Variants in SLC30A9 observed in about 807,000 individuals in gnomAD.
The protein encoded by SLC30A9 is proton-coupled zinc antiporter SLC30A9, mitochondrial.
A neutral mutation model predicts 87.5 loss-of-function variants in SLC30A9; 58 were observed. That is an observed-to-expected ratio of 0.66 (90% CI 0.54 to 0.82). The LOEUF is 0.82. Ranked by LOEUF, SLC30A9 falls within the 40% of genes least tolerant of loss-of-function variation. The pLI is 0.00. For missense variants in SLC30A9, 557 were observed against 679.1 expected (o/e 0.82, Z 2.00); for synonymous variants, 234 against 233.0 (o/e 1.00, Z -0.04).
Position 42,067,218 on chromosome 4 carries a change from A to T in SLC30A9, c.1252+26A>T, listed in dbSNP as rs1265402617. ...GTAAATATTCCTTAAATTACAGGTG[A>T]TTTATTTGTCCTACTTAAATAATTC... is the stretch of plus-strand genomic sequence containing the variant. On this transcript the variant is annotated intron_variant, in intron 14 of 17. Coordinates refer to ENST00000264451, the MANE Select transcript of SLC30A9 (RefSeq NM_006345.4). 4 of 1,330,984 alleles carry T rather than the reference A, an allele frequency of 3.0e-6. No homozygotes were observed. The East Asian group carries it at 6.9e-5, about 23-fold the overall frequency. The allele number at this position is 1,330,984 out of a possible 1,614,324, so 82.4% of individuals were successfully genotyped here. A position where few individuals can be genotyped will look rare whatever the true frequency, so the allele number is the denominator to read the frequency against.
chr4:42,047,672 G>A (rs1030684464), intron 8 of SLC30A9, among the ~76,000 whole-genome samples: 3 of 152,166 alleles, frequency 2.0e-5, no homozygotes, highest in Non-Finnish European at 2.9e-5. Context: ...ACAGTGTGGC[G>A]ATTCCTCCAG....
At chr4:41,991,374 G>A (rs1161720915) in intron 1 of SLC30A9, among the ~76,000 whole-genome samples, 2 of 152,164 alleles carry the variant, frequency 1.3e-5, no homozygotes, top group African/African-American at 2.4e-5. Flanking sequence ...AGTTGTAGTG[G>A]TAACCCAGAA....
chr4:42,049,421 C>G lies in SLC30A9; in HGVS notation c.782C>G (p.Thr261Ser). The change falls in exon 9 of 18, where the codon ACC (threonine) becomes AGC (serine). Residue 261 changes from threonine (T) to serine (S), a missense_variant. By Grantham distance (58) the Thr-to-Ser change is moderately conservative. Around this residue, in one of 2 missense-constraint regions of SLC30A9, gnomAD observed 467 missense variants for 529.8 expected, o/e 0.88. Coordinates refer to ENST00000264451, the MANE Select transcript of SLC30A9 (RefSeq NM_006345.4). ...TTTAAATTTCTTGCCTGGATTTATA[C>G]CGGTTCAGCAAGTATGTTCTCAGAA... ...CFFKFLAWIY[T>S]GSASMFSEAI... 1.2e-6 allele frequency: 2 copies of G among 1,611,674 alleles called. No individual in the cohort carries two copies. Among genetic ancestry groups the G allele is most frequent in the Non-Finnish European group, 8.5e-7 (1 of 1,178,416 alleles).
In SLC30A9 at chr4:42,004,295, T is replaced by A. The variant is rs796462008; in HGVS notation, c.274+2515T>A. Reference sequence around the variant, plus strand: ...AGTTTTATTATGAAGTAACTAGGTATGTATTTCTTTGTATTTATTCTACTT... The same window carrying A: ...AGTTTTATTATGAAGTAACTAGGTAAGTATTTCTTTGTATTTATTCTACTT... On this transcript the variant is annotated intron_variant, in intron 2 of 17. Coordinates refer to ENST00000264451, the MANE Select transcript of SLC30A9 (RefSeq NM_006345.4). Among the ~76,000 whole-genome samples the A allele has an allele frequency of 2.6e-5, 4 of 152,330 alleles. No individual in the cohort carries two copies. The South Asian group carries it at 8.3e-4, about 32-fold the overall frequency.
intron 17 of SLC30A9, among the ~76,000 whole-genome samples, chr4:42,084,673 A>G (rs539407454): frequency 6.6e-6 from 1 of 152,218 alleles, no homozygotes; most frequent in South Asian, 2.1e-4. Context: ...GGGTTTCATC[A>G]TGTTGGCCAG....
chr4:41,997,565 G>T (rs756464333), intron 1 of SLC30A9, among the ~76,000 whole-genome samples: 2 of 150,792 alleles, frequency 1.3e-5, no homozygotes, highest in African/African-American at 4.9e-5. Flanking sequence ...TAAGTCTTCC[G>T]CTTTTTTTAT....
chr4:41,993,717 A>G (rs1252846097), intron 1 of SLC30A9, among the ~76,000 whole-genome samples: 1 of 152,230 alleles, frequency 6.6e-6, no homozygotes, highest in East Asian at 1.9e-4. Context: ...TACTTTAAAG[A>G]AATAATCAAA....
intron 5 of SLC30A9, 27 bp from the exon 6 acceptor site, chr4:42,023,275 T>C (rs1292316312): frequency 6.8e-7 from 1 of 1,471,626 alleles, no homozygotes; most frequent in Non-Finnish European, 9.5e-7. Flanking sequence ...AAATTGTTCA[T>C]TGTGGTGACC....
At chr4:42,018,288 C>T in intron 3 of SLC30A9, 118 bp downstream of exon 3, 1 of 751,892 alleles carries the variant, frequency 1.3e-6, no homozygotes, top group Non-Finnish European at 2.1e-6. Context: ...TTATTTTTTA[C>T]TTTTATTTAA....
At chr4:42,042,933 CAG>C (rs1399555771) in intron 8 of SLC30A9, among the ~76,000 whole-genome samples, 4 of 152,204 alleles carry the variant, frequency 2.6e-5, no homozygotes, top group African/African-American at 4.8e-5. Context: ...CCCAGGTAAA[CAG>C]GGTCTGGAGT....
At chr4:42,077,844 T>C (rs1470609945) in intron 16 of SLC30A9, among the ~76,000 whole-genome samples, 1 of 152,130 alleles carries the variant, frequency 6.6e-6, no homozygotes, top group Non-Finnish European at 1.5e-5. Context: ...CATAAAAATA[T>C]TCTCTTCTCA....
intron 7 of SLC30A9, among the ~76,000 whole-genome samples, chr4:42,036,434 A>G (rs1040867080): frequency 2.6e-5 from 4 of 152,108 alleles, no homozygotes; most frequent in Non-Finnish European, 5.9e-5. Flanking sequence ...ACCTAATCCA[A>G]TTGGGCTTTC....
rs531295008 is a variant in SLC30A9, at chr4:42,079,630, C to T, written c.1662+1305C>T. Among the ~76,000 whole-genome samples, 6 of 135,558 alleles carry T rather than the reference C, an allele frequency of 4.4e-5. No homozygotes were observed. In the East Asian group the frequency reaches 7.0e-4, roughly 16 times the overall value. 88.9% of individuals were successfully genotyped at this position (135,558 alleles called of 152,430 possible). A position where few individuals can be genotyped will look rare whatever the true frequency, so the allele number is the denominator to read the frequency against. ...CATTTTTTTTTTTTTTTAACTGAGA[C>T]GGAGTCTCGCACTGTCACCCGTGCT... On this transcript the variant is annotated intron_variant, in intron 17 of 17. Transcript: ENST00000264451.
At chr4:42,065,147 A>T (rs890271884) in intron 11 of SLC30A9, among the ~76,000 whole-genome samples, 163 bp from the exon 12 acceptor site, 2 of 152,158 alleles carry the variant, frequency 1.3e-5, no homozygotes, top group South Asian at 4.1e-4. Context: ...TATTGTATTC[A>T]TATCTCATTG....
intron 14 of SLC30A9, among the ~76,000 whole-genome samples, chr4:42,068,823 A>G (rs1284498181): frequency 1.3e-5 from 2 of 152,232 alleles, no homozygotes; most frequent in Non-Finnish European, 2.9e-5. Flanking sequence ...TGAAAAGACA[A>G]TTCTATTTTA....
chr4:42,003,038 A>G (rs1162257550), intron 2 of SLC30A9, among the ~76,000 whole-genome samples: 1 of 152,030 alleles, frequency 6.6e-6, no homozygotes, highest in Non-Finnish European at 1.5e-5. Context: ...GTTTTGATAT[A>G]TAATATTTTT....
chr4:42,075,472 A>G (rs1718513239), intron 15 of SLC30A9, among the ~76,000 whole-genome samples, 185 bp from the exon 16 acceptor site: 1 of 152,154 alleles, frequency 6.6e-6, no homozygotes, highest in Admixed American at 6.5e-5. Flanking sequence ...ATGCCAAAAA[A>G]AAAGCTAAAC....
chr4:42,058,503 G>A (rs891577032), intron 9 of SLC30A9, among the ~76,000 whole-genome samples: 5 of 152,110 alleles, frequency 3.3e-5, no homozygotes, highest in Non-Finnish European at 5.9e-5. Flanking sequence ...CCACATTTTC[G>A]GGTATCTAGA....
At chr4:41,997,640 T>C (rs1383188529) in intron 1 of SLC30A9, among the ~76,000 whole-genome samples, 12 of 152,210 alleles carry the variant, frequency 7.9e-5, no homozygotes, top group Non-Finnish European at 1.8e-4. Context: ...ATAATAAAAG[T>C]ATAGTTACCT....
Sources: gnomAD v4.1 joint callset for allele counts (sites outside exome capture counted in the v4.1 genomes callset) on GRCh38, gnomAD v4.1.1 for gene constraint, gnomAD v4.1.1 regional missense constraint, MANE v1.5 for transcripts, NCBI Gene and HGNC (gene_info 2026-07-23, HGNC 2026-07-21) for gene names.